Variants in MCTP1 observed in about 807,000 individuals in gnomAD.
MCTP1 encodes multiple C2 and transmembrane domain-containing protein 1.
In MCTP1, 69 loss-of-function variants were observed where a neutral mutation model predicts 120.6. The observed-to-expected ratio is 0.57, with a 90% CI of 0.47 to 0.70. The LOEUF (loss-of-function observed/expected upper bound fraction) is 0.70, where lower values mean the gene tolerates loss of function less well. MCTP1 is among the 30% of genes least tolerant of loss of function. The pLI is 0.00. For synonymous variants in MCTP1, 529 were observed against 493.1 expected, an observed-to-expected ratio of 1.07 and a Z score of -0.96; for missense variants, 1,203 against 1,248.8, an observed-to-expected ratio of 0.96 and a Z score of 0.55.
chr5:95,184,811 A>G lies in MCTP1; in HGVS notation c.720+99045T>C, dbSNP rs555612005. 3.3e-5 allele frequency among the ~76,000 whole-genome samples: 5 copies of G among 152,226 alleles called. No individual in the cohort carries two copies. The East Asian group carries it at 9.6e-4, about 29-fold the overall frequency. ...TGCACTTGATGGATCAGCTGACACCACCCAGACTGGTAATCTGCCTCAACC... is the reference window on the plus strand; with the variant it reads ...TGCACTTGATGGATCAGCTGACACCGCCCAGACTGGTAATCTGCCTCAACC... On this transcript the variant is annotated intron_variant, in intron 1 of 22. Coordinates refer to ENST00000515393, the MANE Select transcript of MCTP1 (RefSeq NM_024717.7).
intron 17 of MCTP1, among the ~76,000 whole-genome samples, chr5:94,826,935 C>T (rs745927003): frequency 3.3e-5 from 5 of 151,924 alleles, no homozygotes; most frequent in Non-Finnish European, 7.4e-5. Flanking sequence ...ATTTGCCAAT[C>T]TGTGTCTTTT....
At chr5:95,114,311 C>T (rs560837686) in intron 1 of MCTP1, among the ~76,000 whole-genome samples, 1 of 152,312 alleles carries the variant, frequency 6.6e-6, no homozygotes, top group East Asian at 1.9e-4. Flanking sequence ...ATTAGGTATT[C>T]GTTCAGCCAC....
At chr5:95,008,757 C>A (rs1002357648) in intron 2 of MCTP1, among the ~76,000 whole-genome samples, 4 of 151,804 alleles carry the variant, frequency 2.6e-5, no homozygotes, top group African/African-American at 9.7e-5. Flanking sequence ...AAGGAAAGGG[C>A]GATATAAGGC....
At chr5:94,817,165 G>A (rs1019725528) in intron 17 of MCTP1, among the ~76,000 whole-genome samples, 1 of 152,142 alleles carries the variant, frequency 6.6e-6, no homozygotes, top group Admixed American at 6.5e-5. Flanking sequence ...AGCACTTTGG[G>A]AGGCCGAGGC....
intron 17 of MCTP1, among the ~76,000 whole-genome samples, chr5:94,834,091 C>T (rs1005822990): frequency 2.0e-5 from 3 of 152,166 alleles, no homozygotes; most frequent in East Asian, 1.9e-4. Context: ...ATTTTGATTT[C>T]GCTTTGCACA....
chr5:94,977,893 G>A (rs1212374206), intron 2 of MCTP1, among the ~76,000 whole-genome samples: 5 of 151,998 alleles, frequency 3.3e-5, no homozygotes, highest in Admixed American at 2.0e-4. Context: ...CAATGATTGC[G>A]TGAGTATGAC....
At chr5:94,963,917 T>A (rs1023456702) in intron 2 of MCTP1, among the ~76,000 whole-genome samples, 2 of 152,214 alleles carry the variant, frequency 1.3e-5, no homozygotes, top group Admixed American at 1.3e-4. Context: ...ATTTTCTCTA[T>A]CTTTCCTTCC....
At chr5:94,738,428 C>A (rs1332046358) in intron 19 of MCTP1, among the ~76,000 whole-genome samples, 1 of 152,144 alleles carries the variant, frequency 6.6e-6, no homozygotes, top group Non-Finnish European at 1.5e-5. Context: ...TTCTGAACTT[C>A]CTTAACAAGC....
intron 2 of MCTP1, among the ~76,000 whole-genome samples, chr5:94,956,961 T>A (rs1258920256): frequency 6.6e-6 from 1 of 152,026 alleles, no homozygotes; most frequent in Non-Finnish European, 1.5e-5. Context: ...AGACACATAA[T>A]CGTCAGATTC....
intron 1 of MCTP1, among the ~76,000 whole-genome samples, chr5:95,061,437 T>G (rs1363901595): frequency 0.015 from 1,046 of 68,144 alleles, 106 homozygotes; most frequent in East Asian, 0.048. Context: ...TTTTTTTTTT[T>G]TTTTTTTTTT....
At chr5:94,886,425 A>C (rs1190637684) in intron 12 of MCTP1, among the ~76,000 whole-genome samples, 1 of 152,216 alleles carries the variant, frequency 6.6e-6, no homozygotes, top group African/African-American at 2.4e-5. Context: ...TTTTTGCTGA[A>C]ACAATGGGAG....
chr5:94,927,577 T>C (rs1362370365), intron 6 of MCTP1, among the ~76,000 whole-genome samples: 2 of 152,168 alleles, frequency 1.3e-5, no homozygotes, highest in Non-Finnish European at 2.9e-5. Context: ...ATTGCCTATT[T>C]ATTATCAGGA....
intron 19 of MCTP1, among the ~76,000 whole-genome samples, chr5:94,761,819 C>A (rs977760577): frequency 3.9e-5 from 6 of 152,206 alleles, no homozygotes; most frequent in Non-Finnish European, 7.3e-5. Flanking sequence ...ACTACTAAGA[C>A]AATGTGGGAA....
intron 1 of MCTP1, among the ~76,000 whole-genome samples, chr5:95,091,839 C>T (rs1202256430): frequency 6.6e-6 from 1 of 152,130 alleles, no homozygotes; most frequent in Non-Finnish European, 1.5e-5. Context: ...CAATAGTAGC[C>T]AGTACAGAAG....
intron 1 of MCTP1, chr5:95,068,677 G>A (rs996194996): frequency 5.6e-6 from 3 of 534,278 alleles, no homozygotes; most frequent in South Asian, 2.1e-5. Flanking sequence ...TCTCCATGTC[G>A]GTTTGCATTA....
chr5:94,786,440 C>T (rs1163252473), intron 18 of MCTP1, among the ~76,000 whole-genome samples: 1 of 151,970 alleles, frequency 6.6e-6, no homozygotes, highest in African/African-American at 2.4e-5. Flanking sequence ...AAAGAATAAT[C>T]ACCTCACAAA....
At chr5:94,910,413 AAAC>A (rs1031538477) in intron 9 of MCTP1, among the ~76,000 whole-genome samples, 1 of 152,112 alleles carries the variant, frequency 6.6e-6, no homozygotes, top group Non-Finnish European at 1.5e-5. Flanking sequence ...CCATTGGGTT[AAAC>A]AACATTTATA....
Position 95,159,646 on chromosome 5 carries a change from C to T in MCTP1, c.720+124210G>A, listed in dbSNP as rs140123821. ...ATAGAAGCTTAGCACCATCCATACC[C>T]AGTGTATCAGAATTTCTGAAGCACA... On this transcript the variant is annotated intron_variant, in intron 1 of 22. Coordinates refer to ENST00000515393, the MANE Select transcript of MCTP1 (RefSeq NM_024717.7). Among the ~76,000 whole-genome samples the T allele has an allele frequency of 6.5e-4, 99 of 151,922 alleles. 1 individual carries two copies. The highest frequency in any genetic ancestry group is 2.4e-3 in the African/African-American group (98 of 41,442).
At chr5:95,194,166 T>A (rs1296000637) in intron 1 of MCTP1, among the ~76,000 whole-genome samples, 1 of 151,522 alleles carries the variant, frequency 6.6e-6, no homozygotes, top group African/African-American at 2.4e-5. Flanking sequence ...CAGTGAGCTA[T>A]GATTGTGCCT....
Sources: gnomAD v4.1 joint callset for allele counts (sites outside exome capture counted in the v4.1 genomes callset) on GRCh38, gnomAD v4.1.1 for gene constraint, MANE v1.5 for transcripts, NCBI Gene and HGNC (gene_info 2026-07-23, HGNC 2026-07-21) for gene names.